Variants in BRIP1 observed in about 807,000 individuals in gnomAD.
The protein encoded by BRIP1 is Fanconi anemia group J protein.
Under a neutral mutation model 119.7 loss-of-function variants are expected in BRIP1, and 88 were observed. The observed-to-expected ratio is 0.74, with a 90% CI of 0.62 to 0.88. The LOEUF is 0.88. Among genes scored for constraint, BRIP1 ranks in the 40% least tolerant of loss-of-function variants. The probability of loss-of-function intolerance (pLI) is 0.00; values close to 1 mark genes in which losing one functional copy is unlikely to be tolerated. For missense variants in BRIP1, 1,259 were observed against 1,455.4 expected (o/e 0.87, Z 2.20); for synonymous variants, 443 against 496.5 (o/e 0.89, Z 1.43).
intron 14 of BRIP1, among the ~76,000 whole-genome samples, chr17:61,772,084 T>C (rs1375946084): frequency 1.4e-5 from 2 of 147,460 alleles, no homozygotes; most frequent in Non-Finnish European, 3.0e-5. Flanking sequence ...CATAGCAGCA[T>C]TATTCACAAC....
At chr17:61,800,235 T>A (rs931851739) in intron 8 of BRIP1, among the ~76,000 whole-genome samples, 1 of 152,136 alleles carries the variant, frequency 6.6e-6, no homozygotes, top group Non-Finnish European at 1.5e-5. Flanking sequence ...TACTGACTAA[T>A]ACAAGGAACT....
rs876658195 is a variant in BRIP1, at chr17:61,849,236, G to T, written c.400C>A (p.Leu134Met). 6.2e-6 allele frequency: 10 copies of T among 1,612,872 alleles called. No individual in the cohort carries two copies. In the Admixed American group the frequency reaches 1.2e-4, roughly 19 times the overall value. ...TCQDSPEKTT[L>M]AAKLSAKKQA... ...TTCTTAGCAGATAACTTTGCAGCCA[G>T]AGTGGTTTTTTCAGGGGAGTCTTAT... The change falls in exon 5 of 20, where the codon CTG (leucine) becomes ATG (methionine). Residue 134 changes from leucine to methionine, a missense_variant. Around this residue, in one of 3 missense-constraint regions of BRIP1, gnomAD observed 501 missense variants for 544.0 expected, o/e 0.92. Transcript: ENST00000259008.
chr17:61,786,994 A>G lies in BRIP1; in HGVS notation c.1474-2570T>C, dbSNP rs1603338149. ...TATATTTATAAATTTATATAAATTT[A>G]TAAATAATTTTATAAAATTATAATT... is the stretch of plus-strand genomic sequence containing the variant. On this transcript the variant is annotated intron_variant, in intron 10 of 19. Transcript: ENST00000259008. 5.7e-5 allele frequency among the ~76,000 whole-genome samples: 6 copies of G among 105,934 alleles called. No homozygotes were observed. The South Asian group carries it at 1.4e-3, about 25-fold the overall frequency. The allele number at this position is 105,934 out of a possible 152,430, so 69.5% of individuals were successfully genotyped here. A position where few individuals can be genotyped will look rare whatever the true frequency, so the allele number is the denominator to read the frequency against.
In BRIP1 at chr17:61,801,348, C is replaced by G. The variant is rs149364097; in HGVS notation, c.1045G>C (p.Ala349Pro). 3.4e-5 allele frequency: 55 copies of G among 1,613,812 alleles called. No individual in the cohort carries two copies. The highest frequency in any genetic ancestry group is 8.0e-5 in the African/African-American group (6 of 74,876). Residue 349 changes from alanine (A) to proline (P), a missense_variant, in exon 8 of 20, where the codon GCC (alanine) becomes CCC (proline). This residue lies in a region of BRIP1 where 501 missense variants were observed against 544.0 expected (regional missense o/e 0.92). Coordinates refer to ENST00000259008, the MANE Select transcript of BRIP1 (RefSeq NM_032043.3). ...TCTCGGGCTGTGTAATATGGACAGG[C>G]CTTTAGTTTCTTCCCCAGGCTGACA... is the stretch of plus-strand genomic sequence containing the variant. ...ELVSLGKKLK[A>P]CPYYTARELI...
At chr17:61,859,680 T>C (rs975487454) in intron 3 of BRIP1, 116 bp downstream of exon 3, 15 of 727,190 alleles carry the variant, frequency 2.1e-5, no homozygotes, top group Non-Finnish European at 2.7e-5. Context: ...AAGAAACATC[T>C]TTAAACAAAT....
At position 61,808,904 on chromosome 17, in the gene BRIP1, C is replaced by G; in HGVS notation, c.628-147G>C. 1 of 819,686 alleles carries G rather than the reference C, an allele frequency of 1.2e-6. No homozygotes were observed. Among genetic ancestry groups the G allele is most frequent in the Non-Finnish European group, 1.9e-6 (1 of 536,238 alleles). 50.8% of individuals were successfully genotyped at this position (819,686 alleles called of 1,614,324 possible). On this transcript the variant is annotated intron_variant, in intron 6 of 19. Coordinates refer to ENST00000259008, the MANE Select transcript of BRIP1 (RefSeq NM_032043.3). This position sits in a 1 kb window ranked among gnomAD's most constrained non-coding sequence, Gnocchi z 4.1. ...AAGAAATTATAGTATCTAAAACTTG[C>G]CATTAAAGAAAAAACTACAATTTAA...
rs45576134 is a variant in BRIP1 at position 61,799,202 on chromosome 17, A to G, written c.1238T>C (p.Val413Ala). ...TTCATCCCGAGCAAACCGAAGCTGA[A>G]CTTCTGTTACACTGTAACTTGCTGA... ...RESASYSVTE[V>A]QLRFARDELD... Residue 413 changes from valine to alanine, a missense_variant, in exon 9 of 20, where the codon GTT (valine) becomes GCT (alanine). Around this residue, in one of 3 missense-constraint regions of BRIP1, gnomAD observed 501 missense variants for 544.0 expected, o/e 0.92. Coordinates refer to ENST00000259008, the MANE Select transcript of BRIP1 (RefSeq NM_032043.3). The surrounding 1 kb of genome is among the most constrained non-coding windows in gnomAD (Gnocchi z 5.1). 1.4e-5 allele frequency: 22 copies of G among 1,613,564 alleles called. No homozygotes were observed. Among genetic ancestry groups the G allele is most frequent in the Non-Finnish European group, 1.8e-5 (21 of 1,179,586 alleles).
intron 16 of BRIP1, among the ~76,000 whole-genome samples, chr17:61,723,213 A>G (rs973176528): frequency 4.6e-5 from 7 of 152,228 alleles, no homozygotes; most frequent in Admixed American, 3.9e-4. Context: ...GACATACAGC[A>G]TATGTGAAAA....
In BRIP1 at chr17:61,780,413, C is replaced by A; in HGVS notation, c.1795-12G>T. 1 of 1,601,620 alleles carries A rather than the reference C, an allele frequency of 6.2e-7. No homozygotes were observed. The highest frequency in any genetic ancestry group is 8.6e-7 in the Non-Finnish European group (1 of 1,168,892). ...ATATCTGAAAAGGCCTAAAAGAAAA[C>A]AACATTAGATAAATAAAATTATCTT... On this transcript the variant is annotated splice_polypyrimidine_tract_variant and intron_variant, in intron 12 of 19. Transcript: ENST00000259008. The surrounding 1 kb of genome is among the most constrained non-coding windows in gnomAD (Gnocchi z 5.4).
Position 61,744,647 on chromosome 17 carries a change from C to G in BRIP1, c.2098-56G>C. On this transcript the variant is annotated intron_variant, in intron 14 of 19. Transcript: ENST00000259008. This position sits in a 1 kb window ranked among gnomAD's most constrained non-coding sequence, Gnocchi z 5.0. ...TGTGTGTCTAGCTAAACAAACTTAA[C>G]TTCATTTGTTTAAGCCAATGTGACT... The G allele has an allele frequency of 6.7e-7, 1 of 1,493,906 alleles. No homozygotes were observed. The highest frequency in any genetic ancestry group is 9.3e-7 in the Non-Finnish European group (1 of 1,071,904). The allele number at this position is 1,493,906 out of a possible 1,614,324, so 92.5% of individuals were successfully genotyped here.
intron 3 of BRIP1, among the ~76,000 whole-genome samples, chr17:61,859,049 C>CAAA (rs34782273): frequency 6.6e-5 from 3 of 45,124 alleles, no homozygotes; most frequent in Admixed American, 2.4e-4. Context: ...TGACGCCACT[C>CAAA]AAAAAAAAAA....
At chr17:61,707,782 T>C (rs991031105) in intron 17 of BRIP1, among the ~76,000 whole-genome samples, 1 of 152,134 alleles carries the variant, frequency 6.6e-6, no homozygotes, top group Non-Finnish European at 1.5e-5. Context: ...CTATAGCCTA[T>C]AGTGCCTACA....
At position 61,722,977 on chromosome 17, in the gene BRIP1, A is replaced by G. The variant is rs186108913; in HGVS notation, c.2380-6914T>C. Among the ~76,000 whole-genome samples, 113 of 152,310 alleles carry G rather than the reference A, an allele frequency of 7.4e-4. No homozygotes were observed. The highest frequency in any genetic ancestry group is 2.2e-3 in the African/African-American group (92 of 41,568). On this transcript the variant is annotated intron_variant, in intron 16 of 19. Transcript: ENST00000259008. The surrounding 1 kb of genome is among the most constrained non-coding windows in gnomAD (Gnocchi z 4.6). ...AACAAAAAACAAAACCCTGAAATGA[A>G]CTGTATATAAAGGTTAACTTTGAAA...
At chr17:61,685,281 T>C (rs1417037464) in intron 19 of BRIP1, 1 of 152,366 alleles carries the variant, frequency 6.6e-6, no homozygotes, top group African/African-American at 2.4e-5. Flanking sequence ...GGCCACAGTT[T>C]GCCAATCTGA....
chr17:61,823,292 C>T lies in BRIP1; in HGVS notation c.628-14535G>A, dbSNP rs560317796. Among the ~76,000 whole-genome samples, 1 of 152,130 alleles carries T rather than the reference C, an allele frequency of 6.6e-6. No homozygotes were observed. Among genetic ancestry groups the T allele is most frequent in the East Asian group, 1.9e-4 (1 of 5,170 alleles). On this transcript the variant is annotated intron_variant, in intron 6 of 19. Transcript: ENST00000259008. The surrounding 1 kb of genome is among the most constrained non-coding windows in gnomAD (Gnocchi z 4.8). ...GTATGGCCTTCTGCTTTTAGCCATA[C>T]GAAAAAACAGAAATCTTATCTTGCA... is the stretch of plus-strand genomic sequence containing the variant.
rs758273323 is a variant in BRIP1 at position 61,843,373 on chromosome 17, A to AAC, written c.627+3726_627+3727dup. Among the ~76,000 whole-genome samples, 83 of 151,380 alleles carry AAC rather than the reference A, an allele frequency of 5.5e-4. No individual in the cohort carries two copies. Among genetic ancestry groups the AAC allele is most frequent in the East Asian group, 1.2e-3 (6 of 5,170 alleles). Reference sequence around the variant, plus strand: ...GGCTTTAAAATTTTCAGGTGTTCTCAACACACACACACACACAAAAGGTAA... The same window carrying AAC: ...GGCTTTAAAATTTTCAGGTGTTCTCAACACACACACACACACACAAAAGGTAA... On this transcript the variant is annotated intron_variant, in intron 6 of 19. Transcript: ENST00000259008. The surrounding 1 kb of genome is among the most constrained non-coding windows in gnomAD (Gnocchi z 5.7).
rs2077868864 is a variant in BRIP1, at chr17:61,794,469, A to G, written c.1341-740T>C. ...GAAAATACTGCATGTTCTCACTTAT[A>G]AGTGAGAGCTAAATGATGAGACCAC... On this transcript the variant is annotated intron_variant, in intron 9 of 19. Transcript: ENST00000259008. This position sits in a 1 kb window ranked among gnomAD's most constrained non-coding sequence, Gnocchi z 4.3. Among the ~76,000 whole-genome samples, 1 of 152,080 alleles carries G rather than the reference A, an allele frequency of 6.6e-6. No homozygotes were observed. The highest frequency in any genetic ancestry group is 6.6e-5 in the Admixed American group (1 of 15,248).
rs2078747614 is a variant in BRIP1 at position 61,847,168 on chromosome 17, A to G, written c.560T>C (p.Val187Ala). The change falls in exon 6 of 20, where the codon GTT becomes GCT. Residue 187 changes from valine (V) to alanine (A), a missense_variant. Val to Ala is a moderately conservative substitution (Grantham distance 64, BLOSUM62 0). This residue lies in a region of BRIP1 where 501 missense variants were observed against 544.0 expected (regional missense o/e 0.92). Coordinates refer to ENST00000259008, the MANE Select transcript of BRIP1 (RefSeq NM_032043.3). The part of the protein sequence containing the change: ...GTEVHNLDAK[V>A]DSGKTVKLNS... ...GAGTTTTACAGTCTTTCCTGAATCA[A>G]CTTTTGCATCCAAATTGTGTACTTC... 1.9e-6 allele frequency: 3 copies of G among 1,613,662 alleles called. No homozygotes were observed. Among genetic ancestry groups the G allele is most frequent in the Non-Finnish European group, 2.5e-6 (3 of 1,179,616 alleles).
rs1339566652 is a variant in BRIP1, at chr17:61,796,417, G to A, written c.1340+2683C>T. ...TAGATTTAAGTCTTTAATCTATTTT[G>A]ATTTGATTTTTGTTAATGGTGAAAG... On this transcript the variant is annotated intron_variant, in intron 9 of 19. Transcript: ENST00000259008. The surrounding 1 kb of genome is among the most constrained non-coding windows in gnomAD (Gnocchi z 4.8). Among the ~76,000 whole-genome samples, 1 of 152,056 alleles carries A rather than the reference G, an allele frequency of 6.6e-6. No homozygotes were observed.
Sources: allele counts gnomAD v4.1 joint callset (sites outside exome capture counted in the v4.1 genomes callset), GRCh38; gene constraint gnomAD v4.1.1; regional missense constraint gnomAD v4.1.1; non-coding constraint Gnocchi (gnomAD v3.1); transcripts MANE v1.5; gene names NCBI Gene and HGNC (gene_info 2026-07-23, HGNC 2026-07-21).